The following MDGA2 variants were observed in gnomAD, a reference collection of about 807,000 sequenced individuals.
MDGA2 encodes MAM domain containing glycosylphosphatidylinositol anchor 2.
A neutral mutation model predicts 117.8 loss-of-function variants in MDGA2; 40 were observed. The observed-to-expected ratio is 0.34, with a 90% CI of 0.26 to 0.44. MDGA2 has a LOEUF of 0.44. Ranked by LOEUF, MDGA2 falls within the 20% of genes least tolerant of loss-of-function variation. The pLI is 1.00. For synonymous variants in MDGA2, 452 were observed against 439.0 expected (o/e 1.03, Z -0.37); for missense variants, 1,123 against 1,250.6 (o/e 0.90, Z 1.54).
chr14:46,927,605 CA>C (rs1422576381), intron 9 of MDGA2, among the ~76,000 whole-genome samples: 1 of 152,134 alleles, frequency 6.6e-6, no homozygotes, highest in Non-Finnish European at 1.5e-5. Flanking sequence ...CAACATCTCT[CA>C]GTTGAAGATT....
At chr14:47,455,044 G>A (rs1311624525) in intron 1 of MDGA2, among the ~76,000 whole-genome samples, 2 of 152,114 alleles carry the variant, frequency 1.3e-5, no homozygotes, top group East Asian at 1.9e-4. Context: ...CTAGAAAGAT[G>A]AGAAAACAAT....
intron 1 of MDGA2, among the ~76,000 whole-genome samples, chr14:47,365,119 A>G (rs1422114314): frequency 6.6e-6 from 1 of 152,248 alleles, no homozygotes; most frequent in Non-Finnish European, 1.5e-5. Context: ...ACAGTTGCCC[A>G]AGCGTATTAT....
chr14:47,222,435 T>A (rs2139531155), intron 2 of MDGA2, among the ~76,000 whole-genome samples: 1 of 152,164 alleles, frequency 6.6e-6, no homozygotes, highest in South Asian at 2.1e-4. Flanking sequence ...ACAGAGCCAC[T>A]AAAGACAAAA....
At chr14:47,634,010 G>A (rs1958626) in intron 1 of MDGA2, among the ~76,000 whole-genome samples, 1 of 152,200 alleles carries the variant, frequency 6.6e-6, no homozygotes, top group African/African-American at 2.4e-5. Flanking sequence ...CAAAGTGTAT[G>A]TAGCCAGTAA....
intron 1 of MDGA2, among the ~76,000 whole-genome samples, chr14:47,302,794 A>G (rs1180652252): frequency 6.6e-6 from 1 of 152,186 alleles, no homozygotes; most frequent in Non-Finnish European, 1.5e-5. Flanking sequence ...ATAAATGCAC[A>G]GTCTACCCAT....
At chr14:47,595,418 C>T (rs1402685314) in intron 1 of MDGA2, among the ~76,000 whole-genome samples, 1 of 151,528 alleles carries the variant, frequency 6.6e-6, no homozygotes, top group Non-Finnish European at 1.5e-5. Context: ...CCTGTAATCC[C>T]AGCTACTCGG....
rs1433792174 is a variant in MDGA2, at chr14:47,022,741, T to C, written c.1819+12270A>G. ...CTCATAAAGATTATTTTAAGGATAT[T>C]CATGACATAGGGAATGAAATGACAA... On this transcript the variant is annotated intron_variant, in intron 8 of 16. Transcript: ENST00000399232. Among the ~76,000 whole-genome samples, 4 of 152,250 alleles carry C rather than the reference T, an allele frequency of 2.6e-5. No homozygotes were observed. In the East Asian group the frequency reaches 7.7e-4, roughly 29 times the overall value.
chr14:47,263,638 C>T lies in MDGA2; in HGVS notation c.420+37773G>A, dbSNP rs530285012. ...TTCCAATAGATTAATCTGCATTGGA[C>T]TTTCTTAGGCCAACTCTCAGGCTTC... On this transcript the variant is annotated intron_variant, in intron 2 of 16. Transcript: ENST00000399232. Among the ~76,000 whole-genome samples the T allele has an allele frequency of 2.2e-4, 34 of 152,192 alleles. No individual in the cohort carries two copies. In the South Asian group the frequency reaches 6.6e-3, roughly 30 times the overall value.
intron 1 of MDGA2, among the ~76,000 whole-genome samples, chr14:47,374,775 C>A (rs1460442217): frequency 6.6e-6 from 1 of 151,880 alleles, no homozygotes; most frequent in Non-Finnish European, 1.5e-5. Flanking sequence ...ATATGTGATC[C>A]TTTCTGTTCC....
intron 1 of MDGA2, among the ~76,000 whole-genome samples, chr14:47,601,416 T>C (rs1174722728): frequency 1.3e-5 from 2 of 152,106 alleles, no homozygotes; most frequent in African/African-American, 4.8e-5. Flanking sequence ...AAAATCTGTA[T>C]TGATCAAAGG....
intron 9 of MDGA2, among the ~76,000 whole-genome samples, chr14:46,955,037 A>G (rs1195039872): frequency 6.6e-6 from 1 of 152,114 alleles, no homozygotes; most frequent in Non-Finnish European, 1.5e-5. Flanking sequence ...CAGTCATGCC[A>G]TGAAAAAATA....
At chr14:46,984,034 A>G (rs546145910) in intron 8 of MDGA2, among the ~76,000 whole-genome samples, 1 of 152,054 alleles carries the variant, frequency 6.6e-6, no homozygotes, top group African/African-American at 2.4e-5. Flanking sequence ...ACATAGTTAT[A>G]TTACTTGAAT....
At chr14:47,238,097 C>T (rs1161046779) in intron 2 of MDGA2, among the ~76,000 whole-genome samples, 1 of 152,154 alleles carries the variant, frequency 6.6e-6, no homozygotes, top group Non-Finnish European at 1.5e-5. Context: ...GTACTCTTTG[C>T]TGTCTCTCTT....
chr14:47,064,790 A>G (rs1890020666), intron 6 of MDGA2, among the ~76,000 whole-genome samples: 1 of 152,118 alleles, frequency 6.6e-6, no homozygotes, highest in Non-Finnish European at 1.5e-5. Context: ...TTCGTTTATA[A>G]TTAAACGCTC....
intron 1 of MDGA2, among the ~76,000 whole-genome samples, chr14:47,540,707 T>C (rs1895335341): frequency 6.6e-6 from 1 of 151,392 alleles, no homozygotes; most frequent in African/African-American, 2.4e-5. Flanking sequence ...ACCACAGGTA[T>C]GCACCCCCAT....
intron 2 of MDGA2, among the ~76,000 whole-genome samples, chr14:47,249,168 C>A (rs1266611050): frequency 6.6e-6 from 1 of 151,914 alleles, no homozygotes; most frequent in Non-Finnish European, 1.5e-5. Context: ...CAGGCACGCA[C>A]CACCATGCCC....
intron 1 of MDGA2, among the ~76,000 whole-genome samples, chr14:47,479,787 A>C (rs1893914974): frequency 1.3e-5 from 2 of 152,120 alleles, no homozygotes; most frequent in South Asian, 4.1e-4. Context: ...AATTATTTAT[A>C]ACATCTCCTA....
chr14:47,079,705 T>C (rs1389972722), intron 6 of MDGA2, among the ~76,000 whole-genome samples: 1 of 148,476 alleles, frequency 6.7e-6, no homozygotes, highest in East Asian at 2.0e-4. Context: ...CTGTGTTATT[T>C]GTTTCAGCCG....
intron 1 of MDGA2, among the ~76,000 whole-genome samples, chr14:47,332,661 T>A (rs535940430): frequency 1.3e-5 from 2 of 151,932 alleles, no homozygotes; most frequent in African/African-American, 4.8e-5. Context: ...AAATAACAAT[T>A]TTTTAAATTT....
Sources: gnomAD v4.1 joint callset for allele counts (sites outside exome capture counted in the v4.1 genomes callset) on GRCh38, gnomAD v4.1.1 for gene constraint, MANE v1.5 for transcripts, NCBI Gene and HGNC (gene_info 2026-07-23, HGNC 2026-07-21) for gene names.